EPS8: variants seen among roughly 807,000 people sequenced by gnomAD.
The protein encoded by EPS8 is EGFR pathway substrate 8, signaling adaptor, also known as epidermal growth factor receptor kinase substrate 8.
In EPS8, 42 loss-of-function variants were observed where a neutral mutation model predicts 103.8. That is an observed-to-expected ratio of 0.40 (90% CI 0.32 to 0.52). The LOEUF (loss-of-function observed/expected upper bound fraction) is 0.52, where lower values mean the gene tolerates loss of function less well. Ranked by LOEUF, EPS8 falls within the 20% of genes least tolerant of loss-of-function variation. The pLI is 0.40. For missense variants in EPS8, 969 were observed against 1,005.1 expected (o/e 0.96, Z 0.49); for synonymous variants, 344 against 344.6 (o/e 1.00, Z 0.02).
In EPS8 at chr12:15,702,472, A is replaced by T. The variant is rs150083801; in HGVS notation, c.-21-19500T>A. Among the ~76,000 whole-genome samples, 116 of 152,286 alleles carry T rather than the reference A, an allele frequency of 7.6e-4. 1 individual carries two copies. Among genetic ancestry groups the T allele is most frequent in the African/African-American group, 2.6e-3 (110 of 41,556 alleles). On this transcript the variant is annotated intron_variant, in intron 1 of 20. Coordinates refer to ENST00000281172, the MANE Select transcript of EPS8 (RefSeq NM_004447.6). The surrounding 1 kb of genome is among the most constrained non-coding windows in gnomAD (Gnocchi z 5.1). ...TTAACATTTAAGTGTGGATTATGAG[A>T]TACTTTCTCCTAGGATAAGAGGACT...
Position 15,789,240 on chromosome 12 carries a change from C to T in EPS8, c.-101G>A, listed in dbSNP as rs1565545139. 6.6e-6 allele frequency: 1 copy of T among 152,298 alleles called. No individual in the cohort carries two copies. Among genetic ancestry groups the T allele is most frequent in the Non-Finnish European group, 1.5e-5 (1 of 68,060 alleles). The allele number at this position is 152,298 out of a possible 1,614,324, so 9.4% of individuals were successfully genotyped here. The stretch of plus-strand genomic sequence containing the variant: ...GAGGTGGGAGGGGACCGGGAGAAAG[C>T]CCCCCAATCTGATTCGCGCCCAGCC... On this transcript the variant is annotated 5_prime_UTR_variant, in exon 1 of 21. Transcript: ENST00000281172. The surrounding 1 kb of genome is among the most constrained non-coding windows in gnomAD (Gnocchi z 6.1).
Position 15,663,288 on chromosome 12 carries a change from C to T in EPS8, c.737-1189G>A, listed in dbSNP as rs572418948. 9.9e-5 allele frequency among the ~76,000 whole-genome samples: 15 copies of T among 152,232 alleles called. No homozygotes were observed. In the South Asian group the frequency reaches 1.9e-3, roughly 19 times the overall value. On this transcript the variant is annotated intron_variant, in intron 8 of 20. Coordinates refer to ENST00000281172, the MANE Select transcript of EPS8 (RefSeq NM_004447.6). ...CTTGGGCTCTGTCAGGTCTGAAACACGACTAGGAACCCTAGTGCCACTGGC... is the reference window on the plus strand; with the variant it reads ...CTTGGGCTCTGTCAGGTCTGAAACATGACTAGGAACCCTAGTGCCACTGGC...
Position 15,786,675 on chromosome 12 carries a change from T to A in EPS8, c.-22+2486A>T, listed in dbSNP as rs1045007030. On this transcript the variant is annotated intron_variant, in intron 1 of 20. Transcript: ENST00000281172. ...TTCTGAGAAATAAGGTCTATTTTTT[T>A]AAATCCCATTTAGGAATACATCTAG... Among the ~76,000 whole-genome samples, 13 of 152,272 alleles carry A rather than the reference T, an allele frequency of 8.5e-5. No individual in the cohort carries two copies. In the South Asian group the frequency reaches 2.1e-3, roughly 24 times the overall value.
At chr12:15,659,616 A>G (rs1017526206) in intron 10 of EPS8, among the ~76,000 whole-genome samples, 3 of 152,328 alleles carry the variant, frequency 2.0e-5, no homozygotes, top group African/African-American at 7.2e-5. Context: ...TCACATGCAG[A>G]AGATAAAGCC....
At chr12:15,685,609 T>C (rs1484164630) in intron 1 of EPS8, among the ~76,000 whole-genome samples, 2 of 152,204 alleles carry the variant, frequency 1.3e-5, no homozygotes, top group Non-Finnish European at 2.9e-5. Context: ...GAAAAGGGGA[T>C]AGAAAATGGC....
chr12:15,788,286 A>G (rs1947330077), intron 1 of EPS8, among the ~76,000 whole-genome samples: 1 of 152,212 alleles, frequency 6.6e-6, no homozygotes, highest in Non-Finnish European at 1.5e-5. Flanking sequence ...ACTGAAACAT[A>G]TTTTGTAAAG....
chr12:15,718,913 C>T (rs1315868518), intron 1 of EPS8, among the ~76,000 whole-genome samples: 1 of 152,080 alleles, frequency 6.6e-6, no homozygotes, highest in African/African-American at 2.4e-5. Flanking sequence ...TCAATCCTTT[C>T]TGGAGTATTT....
rs1947258551 is a variant in EPS8 at position 15,781,295 on chromosome 12, C to T, written c.-22+7866G>A. Among the ~76,000 whole-genome samples, 1 of 152,214 alleles carries T rather than the reference C, an allele frequency of 6.6e-6. No individual in the cohort carries two copies. The highest frequency in any genetic ancestry group is 1.5e-5 in the Non-Finnish European group (1 of 68,022). The stretch of plus-strand genomic sequence containing the variant: ...AGTAGTAATTTGAGCAAGTATATAG[C>T]ACAGTATTAAATAAAAGAATGTAAT... On this transcript the variant is annotated intron_variant, in intron 1 of 20. Transcript: ENST00000281172. The surrounding 1 kb of genome is among the most constrained non-coding windows in gnomAD (Gnocchi z 4.1).
rs1946942724 is a variant in EPS8 at position 15,752,434 on chromosome 12, A to G, written c.-22+36727T>C. On this transcript the variant is annotated intron_variant, in intron 1 of 20. Transcript: ENST00000281172. The surrounding 1 kb of genome is among the most constrained non-coding windows in gnomAD (Gnocchi z 4.4). ...TGCACCCTAGCCTGGGCGACAGAGCAAGACTCCATCTCAAAAAAAAAACAA... is the reference window on the plus strand; with the variant it reads ...TGCACCCTAGCCTGGGCGACAGAGCGAGACTCCATCTCAAAAAAAAAACAA... Among the ~76,000 whole-genome samples the G allele has an allele frequency of 6.6e-6, 1 of 151,896 alleles. No individual in the cohort carries two copies. The highest frequency in any genetic ancestry group is 1.5e-5 in the Non-Finnish European group (1 of 67,960).
chr12:15,641,660 C>G (rs192346614), intron 16 of EPS8, 62 bp downstream of exon 16: 1 of 734,974 alleles, frequency 1.4e-6, no homozygotes, highest in Admixed American at 2.7e-5. Flanking sequence ...TAGTTATATA[C>G]CAAAAGAGTA....
At chr12:15,770,319 AG>A in intron 1 of EPS8, among the ~76,000 whole-genome samples, 1 of 151,546 alleles carries the variant, frequency 6.6e-6, no homozygotes, top group African/African-American at 2.4e-5. Flanking sequence ...AAGAAGGGAA[AG>A]GGAAAAAGAA....
chr12:15,719,216 T>A (rs145086940), intron 1 of EPS8, among the ~76,000 whole-genome samples: 1 of 151,928 alleles, frequency 6.6e-6, no homozygotes, highest in Non-Finnish European at 1.5e-5. Context: ...TATATATATA[T>A]ACACACATAC....
intron 13 of EPS8, among the ~76,000 whole-genome samples, chr12:15,652,678 T>C (rs1030095411): frequency 6.6e-6 from 1 of 152,164 alleles, no homozygotes; most frequent in African/African-American, 2.4e-5. Context: ...GCTATACTAG[T>C]ACATAAATAA....
At chr12:15,629,254 C>A (rs181544547) in intron 18 of EPS8, among the ~76,000 whole-genome samples, 2 of 152,306 alleles carry the variant, frequency 1.3e-5, no homozygotes, top group African/African-American at 4.8e-5. Flanking sequence ...TTCTTGGTTT[C>A]TCAGCGTGAA....
At chr12:15,722,174 A>G (rs571475048) in intron 1 of EPS8, among the ~76,000 whole-genome samples, 1 of 151,092 alleles carries the variant, frequency 6.6e-6, no homozygotes, top group South Asian at 2.1e-4. Context: ...CATAAAATAC[A>G]CTAACGATAG....
Position 15,745,242 on chromosome 12 carries a change from A to T in EPS8, c.-22+43919T>A, listed in dbSNP as rs76410487. Reference sequence around the variant, plus strand: ...AATGAGTATAAAAGAACACTTTACAACCTAACTGCTTATTATAGACTAAGT... The same window carrying T: ...AATGAGTATAAAAGAACACTTTACATCCTAACTGCTTATTATAGACTAAGT... On this transcript the variant is annotated intron_variant, in intron 1 of 20. Coordinates refer to ENST00000281172, the MANE Select transcript of EPS8 (RefSeq NM_004447.6). This position sits in a 1 kb window ranked among gnomAD's most constrained non-coding sequence, Gnocchi z 4.6. Among the ~76,000 whole-genome samples the T allele has an allele frequency of 8.1e-3, 1,232 of 152,242 alleles. 18 individuals carry two copies. The highest frequency in any genetic ancestry group is 0.028 in the African/African-American group (1,150 of 41,554).
intron 1 of EPS8, among the ~76,000 whole-genome samples, chr12:15,723,730 A>T (rs2135981581): frequency 6.6e-6 from 1 of 152,310 alleles, no homozygotes; most frequent in Middle Eastern, 3.4e-3. Context: ...ATGAAGTGGT[A>T]ATCCTTACTG....
chr12:15,774,123 A>C (rs1296105155), intron 1 of EPS8, among the ~76,000 whole-genome samples: 1 of 152,050 alleles, frequency 6.6e-6, no homozygotes, highest in Non-Finnish European at 1.5e-5. Context: ...TTCTTCAAAA[A>C]TAACTAATTT....
At chr12:15,681,728 C>CAAAAAA (rs71042267) in intron 2 of EPS8, among the ~76,000 whole-genome samples, 2 of 39,224 alleles carry the variant, frequency 5.1e-5, no homozygotes, top group Non-Finnish European at 5.1e-5. Flanking sequence ...GACTCTGTCT[C>CAAAAAA]AAAAAAAAAA....
Sources: allele counts gnomAD v4.1 joint callset (sites outside exome capture counted in the v4.1 genomes callset), GRCh38; gene constraint gnomAD v4.1.1; non-coding constraint Gnocchi (gnomAD v3.1); transcripts MANE v1.5; gene names NCBI Gene and HGNC (gene_info 2026-07-23, HGNC 2026-07-21).